Variants in PCSK1 observed in about 807,000 individuals in gnomAD.
PCSK1 encodes the protein proprotein convertase subtilisin/kexin type 1.
A neutral mutation model predicts 90.6 loss-of-function variants in PCSK1; 56 were observed. The observed-to-expected ratio is 0.62, with a 90% CI of 0.50 to 0.77. The LOEUF (loss-of-function observed/expected upper bound fraction) is 0.77, where lower values mean the gene tolerates loss of function less well. PCSK1 is among the 30% of genes least tolerant of loss of function. The pLI is 0.00. For missense variants in PCSK1, 801 were observed against 932.6 expected, an observed-to-expected ratio of 0.86 and a Z score of 1.84; for synonymous variants, 348 against 342.4, an observed-to-expected ratio of 1.02 and a Z score of -0.18.
rs770800881 is a variant in PCSK1 at position 96,395,044 on chromosome 5, T to C, written c.1723-19A>G. Reference sequence around the variant, plus strand: ...TTCCAGACTAACAAATAAGCATACCTACATTTAGTATGTGTTTTAGATAAT... The same window carrying C: ...TTCCAGACTAACAAATAAGCATACCCACATTTAGTATGTGTTTTAGATAAT... On this transcript the variant is annotated intron_variant, in intron 12 of 13. Coordinates refer to ENST00000311106, the MANE Select transcript of PCSK1 (RefSeq NM_000439.5). 1.3e-6 allele frequency: 2 copies of C among 1,571,952 alleles called. No individual in the cohort carries two copies. Among genetic ancestry groups the C allele is most frequent in the East Asian group, 4.5e-5 (2 of 44,676 alleles).
At chr5:96,418,606 G>A (rs1761008952) in intron 5 of PCSK1, among the ~76,000 whole-genome samples, 1 of 152,184 alleles carries the variant, frequency 6.6e-6, no homozygotes, top group African/African-American at 2.4e-5. Context: ...AATACTGATA[G>A]TTTGAAGAGA....
At chr5:96,425,500 AT>A (rs1409452714) in intron 3 of PCSK1, among the ~76,000 whole-genome samples, 1 of 152,190 alleles carries the variant, frequency 6.6e-6, no homozygotes, top group Non-Finnish European at 1.5e-5. Flanking sequence ...ACCAAATGAG[AT>A]TTTTGCCACA....
In PCSK1 at chr5:96,432,975, T is replaced by C; in HGVS notation, c.68A>G (p.Asn23Ser). 6.2e-7 allele frequency: 1 copy of C among 1,613,978 alleles called. No individual in the cohort carries two copies. Among genetic ancestry groups the C allele is most frequent in the Non-Finnish European group, 8.5e-7 (1 of 1,179,800 alleles). The stretch of plus-strand genomic sequence containing the variant: ...AAATTGCCTTTTCGCTTTTGCACTG[T>C]TCAGTGCACACCAAGCGCAAAAGAG... ...FVLFCAWCALNSAKAKRQFVN... is the reference protein window; with the variant it reads ...FVLFCAWCALSSAKAKRQFVN... Residue 23 changes from asparagine (N) to serine (S), a missense_variant, in exon 1 of 14, where the codon AAC becomes AGC. Asn to Ser is a conservative substitution (Grantham distance 46). Transcript: ENST00000311106.
At chr5:96,432,636 C>G (rs543601886) in intron 1 of PCSK1, among the ~76,000 whole-genome samples, 1 of 152,204 alleles carries the variant, frequency 6.6e-6, no homozygotes, top group Non-Finnish European at 1.5e-5. Context: ...AAGCCCTACC[C>G]AGCTGCAGCG....
Position 96,416,209 on chromosome 5 carries a change from T to A in PCSK1, c.621-88A>T, listed in dbSNP as rs1760934538. 18 of 913,508 alleles carry A rather than the reference T, an allele frequency of 2.0e-5. No homozygotes were observed. In the Middle Eastern group the frequency reaches 8.5e-4, roughly 43 times the overall value. The allele number at this position is 913,508 out of a possible 1,614,324, so 56.6% of individuals were successfully genotyped here. On this transcript the variant is annotated intron_variant, in intron 5 of 13. Coordinates refer to ENST00000311106, the MANE Select transcript of PCSK1 (RefSeq NM_000439.5). ...AATGAATTAATGGGGCATAGGTATA[T>A]TAACTTTTTGTCGGCCTTGTTACTG...
chr5:96,427,086 G>A (rs1761332118), intron 2 of PCSK1, among the ~76,000 whole-genome samples: 1 of 152,092 alleles, frequency 6.6e-6, no homozygotes, highest in Non-Finnish European at 1.5e-5. Flanking sequence ...TGAGGTAGAG[G>A]GTCACTTACA....
chr5:96,393,555 C>T (rs1760030591), intron 13 of PCSK1, among the ~76,000 whole-genome samples, 177 bp from the exon 14 acceptor site: 1 of 152,160 alleles, frequency 6.6e-6, no homozygotes, highest in African/African-American at 2.4e-5. Flanking sequence ...TTTGCCTACC[C>T]TCTGGGGTAC....
chr5:96,411,224 C>T (rs930001024), intron 7 of PCSK1, among the ~76,000 whole-genome samples: 3 of 152,212 alleles, frequency 2.0e-5, no homozygotes, highest in African/African-American at 4.8e-5. Flanking sequence ...GCTGAGCACA[C>T]GCTTTTCTTT....
At chr5:96,431,468 A>C (rs1761494464) in intron 1 of PCSK1, among the ~76,000 whole-genome samples, 1 of 152,188 alleles carries the variant, frequency 6.6e-6, no homozygotes, top group Non-Finnish European at 1.5e-5. Flanking sequence ...AATTACAATC[A>C]GTTGCAATCA....
intron 9 of PCSK1, among the ~76,000 whole-genome samples, chr5:96,403,860 A>T (rs1441878625): frequency 6.6e-6 from 1 of 152,208 alleles, no homozygotes; most frequent in African/African-American, 2.4e-5. Flanking sequence ...CAAAGGTTTC[A>T]TGCAGCATTG....
intron 5 of PCSK1, among the ~76,000 whole-genome samples, chr5:96,416,942 G>A (rs2112430704): frequency 6.6e-6 from 1 of 152,158 alleles, no homozygotes; most frequent in East Asian, 1.9e-4. Flanking sequence ...TGACTCAGGA[G>A]GGCCAACAAG....
intron 1 of PCSK1, among the ~76,000 whole-genome samples, chr5:96,430,856 C>T (rs1477306230): frequency 6.6e-6 from 1 of 152,106 alleles, no homozygotes; most frequent in Non-Finnish European, 1.5e-5. Flanking sequence ...ACTATGCTAT[C>T]CCTTACTCAA....
rs1028311261 is a variant in PCSK1 at position 96,425,882 on chromosome 5, C to T, written c.334G>A (p.Ala112Thr). The change falls in exon 3 of 14, where the codon GCT becomes ACT. Residue 112 changes from alanine (A) to threonine (T), a missense_variant. By Grantham distance (58) the Ala-to-Thr change is moderately conservative (BLOSUM62 0). Coordinates refer to ENST00000311106, the MANE Select transcript of PCSK1 (RefSeq NM_000439.5). ...AGATTTAGTGCTGAGTCCCTTAGAG[C>T]TGAACGTTTACTTCTTTCTTTTTCA... Reference protein sequence around the residue: ...QYEKERSKRSALRDSALNLFN... With the variant: ...QYEKERSKRSTLRDSALNLFN... 1.2e-6 allele frequency: 2 copies of T among 1,612,952 alleles called. No individual in the cohort carries two copies.
At chr5:96,395,829 A>C (rs34379183) in intron 12 of PCSK1, among the ~76,000 whole-genome samples, 806 of 80,560 alleles carry the variant, frequency 0.01, 3 homozygotes, top group Middle Eastern at 0.022. Flanking sequence ...GTTCAATGAC[A>C]AAAAATAAAT....
intron 2 of PCSK1, among the ~76,000 whole-genome samples, chr5:96,427,528 C>T (rs983847987): frequency 3.9e-5 from 6 of 152,124 alleles, no homozygotes; most frequent in African/African-American, 1.2e-4. Flanking sequence ...TAATTTTTTA[C>T]AAAGTTATAC....
chr5:96,409,258 T>G (rs775779649), intron 8 of PCSK1, among the ~76,000 whole-genome samples: 3 of 152,228 alleles, frequency 2.0e-5, no homozygotes, highest in Middle Eastern at 3.4e-3. Flanking sequence ...AAGTTCTAGC[T>G]CGAGATTTCG....
At position 96,394,883 on chromosome 5, in the gene PCSK1, T is replaced by G. The variant is rs1216564926; in HGVS notation, c.1865A>C (p.Lys622Thr). Reference sequence around the variant, plus strand: ...ACAGACCTCCCCTGGATCCACCATCTTCTCCACCCCTCTTCTGTCATTCTG... The same window carrying G: ...ACAGACCTCCCCTGGATCCACCATCGTCTCCACCCCTCTTCTGTCATTCTG... ...TVQNDRRGVE[K>T]MVDPGEEQPT... The change falls in exon 13 of 14, where the codon AAG (lysine) becomes ACG (threonine). Residue 622 changes from lysine (K) to threonine (T), a missense_variant. Physicochemically the swap from Lys to Thr is moderately conservative, Grantham distance 78 (BLOSUM62 -1). Transcript: ENST00000311106. The G allele has an allele frequency of 3.1e-6, 5 of 1,614,126 alleles. No individual in the cohort carries two copies. The highest frequency in any genetic ancestry group is 4.2e-6 in the Non-Finnish European group (5 of 1,179,988).
chr5:96,425,008 A>AAAGAAAG (rs1554059749), intron 3 of PCSK1, among the ~76,000 whole-genome samples: 57 of 117,512 alleles, frequency 4.9e-4, no homozygotes, highest in African/African-American at 1.8e-3. Context: ...AGAAAGAAAG[A>AAAGAAAG]AAAGAAAGAA....
At chr5:96,396,609 T>C (rs1002019498) in intron 12 of PCSK1, among the ~76,000 whole-genome samples, 1 of 151,888 alleles carries the variant, frequency 6.6e-6, no homozygotes, top group Non-Finnish European at 1.5e-5. Flanking sequence ...ACACTGCTGA[T>C]ATTTATTACA....
Sources: allele counts gnomAD v4.1 joint callset (sites outside exome capture counted in the v4.1 genomes callset), GRCh38; gene constraint gnomAD v4.1.1; transcripts MANE v1.5; gene names NCBI Gene and HGNC (gene_info 2026-07-23, HGNC 2026-07-21).